Variants in ANO6 observed in about 807,000 individuals in gnomAD.
ANO6 encodes the protein anoctamin-6.
In ANO6, 106 loss-of-function variants were observed where a neutral mutation model predicts 117.5. That is an observed-to-expected ratio of 0.90 (90% CI 0.77 to 1.06). ANO6 has a LOEUF of 1.06. Among genes scored for constraint, ANO6 ranks in the 50% least tolerant of loss-of-function variants. The pLI, the probability that ANO6 is intolerant of heterozygous loss-of-function variation, is 0.00. For synonymous variants in ANO6, 367 were observed against 385.1 expected, an observed-to-expected ratio of 0.95 and a Z score of 0.55; for missense variants, 955 against 1,121.1, an observed-to-expected ratio of 0.85 and a Z score of 2.12.
intron 2 of ANO6, among the ~76,000 whole-genome samples, chr12:45,330,104 C>T (rs1054722958): frequency 6.6e-6 from 1 of 152,034 alleles, no homozygotes; most frequent in Non-Finnish European, 1.5e-5. Context: ...GATGAAGGTG[C>T]ATTGAGATGG....
chr12:45,398,719 T>C lies in ANO6; in HGVS notation c.1387-3076T>C, dbSNP rs568426187. Among the ~76,000 whole-genome samples, 20 of 152,326 alleles carry C rather than the reference T, an allele frequency of 1.3e-4. No individual in the cohort carries two copies. In the East Asian group the frequency reaches 3.9e-3, roughly 29 times the overall value. ...AGAAAGTATGGTCATGAAGATTTTT[T>C]AAGGCACATAAAAATGCTTATGGTT... On this transcript the variant is annotated intron_variant, in intron 12 of 19. Coordinates refer to ENST00000320560, the MANE Select transcript of ANO6 (RefSeq NM_001025356.3).
Position 45,431,628 on chromosome 12 carries a change from G to A in ANO6, c.*2317G>A. On this transcript the variant is annotated 3_prime_UTR_variant, in exon 20 of 20. Coordinates refer to ENST00000320560, the MANE Select transcript of ANO6 (RefSeq NM_001025356.3). ...AGCAAAGTTGTAGTGGAGATGCAGG[G>A]TCATTTCCCCATGCCATCCACAGTG... 1 of 985,414 alleles carries A rather than the reference G, an allele frequency of 1.0e-6. No individual in the cohort carries two copies. The highest frequency in any genetic ancestry group is 1.2e-6 in the Non-Finnish European group (1 of 829,934). The allele number at this position is 985,414 out of a possible 1,614,324, so 61.0% of individuals were successfully genotyped here. A position where few individuals can be genotyped will look rare whatever the true frequency, so the allele number is the denominator to read the frequency against.
At chr12:45,390,819 C>T (rs147855587) in intron 12 of ANO6, among the ~76,000 whole-genome samples, 1 of 152,118 alleles carries the variant, frequency 6.6e-6, no homozygotes, top group Non-Finnish European at 1.5e-5. Flanking sequence ...TTTCCAACAG[C>T]AACAATCAAA....
chr12:45,369,519 A>C (rs1007686860), intron 9 of ANO6, among the ~76,000 whole-genome samples: 1 of 152,182 alleles, frequency 6.6e-6, no homozygotes, highest in African/African-American at 2.4e-5. Context: ...AAAAAAATTG[A>C]ATCTTTAATT....
intron 16 of ANO6, among the ~76,000 whole-genome samples, chr12:45,411,832 C>T (rs190981608): frequency 4.6e-5 from 7 of 152,292 alleles, no homozygotes; most frequent in Admixed American, 2.0e-4. Flanking sequence ...TGCTGCCTGC[C>T]GTGGTGGTAT....
chr12:45,353,639 G>A (rs1162978227), intron 7 of ANO6, among the ~76,000 whole-genome samples: 1 of 152,152 alleles, frequency 6.6e-6, no homozygotes, highest in Non-Finnish European at 1.5e-5. Flanking sequence ...GGTTCCCAGG[G>A]ATTACTGAAG....
intron 3 of ANO6, among the ~76,000 whole-genome samples, chr12:45,343,139 AG>A (rs2137433858): frequency 6.6e-6 from 1 of 152,294 alleles, no homozygotes; most frequent in Admixed American, 6.5e-5. Context: ...GTGGATAGCT[AG>A]GGGCCAGGAA....
chr12:45,405,469 A>G (rs1369074362), intron 15 of ANO6, among the ~76,000 whole-genome samples: 1 of 152,242 alleles, frequency 6.6e-6, no homozygotes, highest in Non-Finnish European at 1.5e-5. Context: ...CAGTGATATG[A>G]ACTTTGCCTT....
chr12:45,226,674 A>G (rs529417288), intron 1 of ANO6, among the ~76,000 whole-genome samples: 18 of 152,262 alleles, frequency 1.2e-4, no homozygotes, highest in African/African-American at 4.1e-4. Context: ...GGCTTTGCAC[A>G]AACAAAATGA....
At position 45,439,816 on chromosome 12, in the gene ANO6, G is replaced by A. The variant is rs754423198; in HGVS notation, c.2668G>A (p.Asp890Asn). Residue 890 changes from aspartate (D) to asparagine (N), a missense_variant, in exon 20 of 20, where the codon GAC becomes AAC. Asp to Asn is a conservative substitution (Grantham distance 23). Coordinates refer to the ANO6 transcript ENST00000425752. ...GGAACAACTAACTTCTGACTTTATT[G>A]ACTCCCTCTATTATATATTTTCTAT... 7.7e-6 allele frequency: 12 copies of A among 1,548,540 alleles called. No homozygotes were observed. The South Asian group carries it at 1.4e-4, about 19-fold the overall frequency.
At chr12:45,248,095 A>G (rs1947851663) in intron 1 of ANO6, among the ~76,000 whole-genome samples, 2 of 152,244 alleles carry the variant, frequency 1.3e-5, no homozygotes, top group Non-Finnish European at 1.5e-5. Flanking sequence ...GGATATAACA[A>G]TGAGTTAATG....
chr12:45,218,293 G>A (rs1478672680), intron 1 of ANO6, among the ~76,000 whole-genome samples: 1 of 151,768 alleles, frequency 6.6e-6, no homozygotes, highest in African/African-American at 2.4e-5. Context: ...CATTTAAACA[G>A]GTCTTGGCAA....
intron 17 of ANO6, among the ~76,000 whole-genome samples, chr12:45,419,378 T>G (rs1943298950): frequency 6.6e-6 from 1 of 152,206 alleles, no homozygotes; most frequent in Non-Finnish European, 1.5e-5. Context: ...AAAGATATAG[T>G]TGAGTTAAAT....
intron 3 of ANO6, 56 bp downstream of exon 3, chr12:45,331,479 A>T: frequency 6.8e-7 from 1 of 1,476,234 alleles, no homozygotes; most frequent in Non-Finnish European, 9.2e-7. Context: ...AACATGAAAA[A>T]ACTGCTATTT....
intron 19 of ANO6, among the ~76,000 whole-genome samples, chr12:45,428,749 A>C (rs1454368630): frequency 6.6e-6 from 1 of 152,238 alleles, no homozygotes; most frequent in Non-Finnish European, 1.5e-5. Flanking sequence ...CTTTTGGAGA[A>C]GTGCAAGGCC....
chr12:45,431,180 T>G lies in ANO6; in HGVS notation c.*1869T>G, dbSNP rs1943623742. ...CAATCAGAGTTCAAGACAGGCCCCA[T>G]GAAGTCTGACTGCACTGGGATGGAG... On this transcript the variant is annotated 3_prime_UTR_variant, in exon 20 of 20. Transcript: ENST00000320560. 1.0e-6 allele frequency: 1 copy of G among 985,352 alleles called. No individual in the cohort carries two copies. The highest frequency in any genetic ancestry group is 1.1e-4 in the East Asian group (1 of 8,794). The allele number at this position is 985,352 out of a possible 1,614,324, so 61.0% of individuals were successfully genotyped here. A position where few individuals can be genotyped will look rare whatever the true frequency, so the allele number is the denominator to read the frequency against.
At position 45,409,344 on chromosome 12, in the gene ANO6, T is replaced by C. The variant is rs1413825779; in HGVS notation, c.1881-13T>C. 6.2e-7 allele frequency: 1 copy of C among 1,613,682 alleles called. No homozygotes were observed. Among genetic ancestry groups the C allele is most frequent in the Non-Finnish European group, 8.5e-7 (1 of 1,179,774 alleles). ...AATATTCGTTCTAATTTATAAATTG[T>C]TCTTTTTGGCAGCTGGATCATGAAT... On this transcript the variant is annotated splice_polypyrimidine_tract_variant and intron_variant, in intron 15 of 19. Transcript: ENST00000320560.
intron 12 of ANO6, among the ~76,000 whole-genome samples, chr12:45,401,498 T>G (rs2137627353): frequency 6.6e-6 from 1 of 152,290 alleles, no homozygotes; most frequent in South Asian, 2.1e-4. Context: ...TAGAGCAATT[T>G]TAGGTTTACA....
intron 1 of ANO6, among the ~76,000 whole-genome samples, chr12:45,268,940 G>A (rs1245507805): frequency 6.6e-6 from 1 of 152,346 alleles, no homozygotes; most frequent in East Asian, 1.9e-4. Flanking sequence ...CATTGGCAAG[G>A]GGCCAGCTCT....
Sources: allele counts gnomAD v4.1 joint callset (sites outside exome capture counted in the v4.1 genomes callset), GRCh38; gene constraint gnomAD v4.1.1; transcripts MANE v1.5; gene names NCBI Gene and HGNC (gene_info 2026-07-23, HGNC 2026-07-21).